The following GLIS3 variants were observed in gnomAD, a reference collection of about 807,000 sequenced individuals.
GLIS3 encodes the protein zinc finger protein GLIS3.
GLIS3 carries 53 observed loss-of-function variants against 78.6 expected under a neutral mutation model. The ratio of observed to expected loss-of-function variants is 0.67; its 90% CI spans 0.54 to 0.85. The LOEUF (loss-of-function observed/expected upper bound fraction) is 0.85, where lower values mean the gene tolerates loss of function less well. GLIS3 is among the 40% of genes least tolerant of loss of function. The probability of loss-of-function intolerance (pLI) is 0.00; values close to 1 mark genes in which losing one functional copy is unlikely to be tolerated. For synonymous variants in GLIS3, 684 were observed against 509.9 expected, an observed-to-expected ratio of 1.34 and a Z score of -4.60; for missense variants, 1,703 against 1,231.1, an observed-to-expected ratio of 1.38 and a Z score of -5.74.
chr9:4,356,546 G>A, the GLIS3 span, among the ~76,000 whole-genome samples: 1 of 152,212 alleles, frequency 6.6e-6, no homozygotes, highest in Non-Finnish European at 1.5e-5. Flanking sequence ...GCTTTGCCAA[G>A]TTTCATGATA....
the GLIS3 span, among the ~76,000 whole-genome samples, chr9:4,472,150 C>A: frequency 6.6e-6 from 1 of 152,174 alleles, no homozygotes; most frequent in Non-Finnish European, 1.5e-5. Context: ...TGCTTTTACA[C>A]GGTTGGTGGG....
chr9:4,440,787 T>G, the GLIS3 span, among the ~76,000 whole-genome samples: 1 of 152,234 alleles, frequency 6.6e-6, no homozygotes, highest in Non-Finnish European at 1.5e-5. Context: ...TTCTAATTCA[T>G]GCACACAGGA....
the GLIS3 span, among the ~76,000 whole-genome samples, chr9:4,462,855 G>A: frequency 4.6e-5 from 7 of 152,238 alleles, no homozygotes; most frequent in South Asian, 2.1e-4. Context: ...ATCCCAAATC[G>A]TTTGAAAAGC....
chr9:4,230,678 G>A (rs548936754), intron 2 of GLIS3, among the ~76,000 whole-genome samples: 3 of 152,178 alleles, frequency 2.0e-5, no homozygotes, highest in South Asian at 2.1e-4. Flanking sequence ...TATGGACTGC[G>A]CATGGGGAAC....
intron 9 of GLIS3, among the ~76,000 whole-genome samples, chr9:3,844,763 A>C (rs964216260): frequency 1.3e-5 from 2 of 152,236 alleles, no homozygotes; most frequent in Admixed American, 1.3e-4. Flanking sequence ...CTTGTTATTT[A>C]ATCCCTGTTA....
intron 4 of GLIS3, among the ~76,000 whole-genome samples, chr9:3,957,673 A>G (rs1490274567): frequency 1.3e-5 from 2 of 152,218 alleles, no homozygotes; most frequent in Admixed American, 6.5e-5. Context: ...TCTGGAAAAC[A>G]GACAAAGAAA....
In GLIS3 at chr9:4,266,370, G is replaced by A. The variant is rs143284240; in HGVS notation, c.388+19668C>T. ...AATGGACCCCTCTCAGTCTGACATA[G>A]CTCTAAGAAAATTTTCTGAGACCCT... On this transcript the variant is annotated intron_variant, in intron 2 of 10. Transcript: ENST00000381971. Among the ~76,000 whole-genome samples the A allele has an allele frequency of 7.2e-4, 109 of 152,136 alleles. 1 individual carries two copies. In the East Asian group the frequency reaches 0.019, roughly 27 times the overall value.
chr9:4,157,745 G>A lies in GLIS3; in HGVS notation c.389-31804C>T, dbSNP rs115856493. ...ACGAGTGCTTCCACAAAGCACATATGAGGAGCATGTTATCCAAGATGTCAG... is the reference window on the plus strand; with the variant it reads ...ACGAGTGCTTCCACAAAGCACATATAAGGAGCATGTTATCCAAGATGTCAG... On this transcript the variant is annotated intron_variant, in intron 2 of 10. Transcript: ENST00000381971. Among the ~76,000 whole-genome samples, 812 of 152,248 alleles carry A rather than the reference G, an allele frequency of 5.3e-3. 8 individuals are homozygous for A. The highest frequency in any genetic ancestry group is 0.019 in the African/African-American group (786 of 41,552).
At chr9:4,040,276 C>T (rs1377043599) in intron 4 of GLIS3, among the ~76,000 whole-genome samples, 2 of 146,580 alleles carry the variant, frequency 1.4e-5, no homozygotes, top group African/African-American at 2.5e-5. Flanking sequence ...AAACATTTTA[C>T]TTCACAAGGT....
chr9:3,998,408 A>C (rs1820890994), intron 4 of GLIS3, among the ~76,000 whole-genome samples: 1 of 152,062 alleles, frequency 6.6e-6, no homozygotes, highest in Non-Finnish European at 1.5e-5. Flanking sequence ...AGTTTTTCTT[A>C]CCTTTATATT....
intron 6 of GLIS3, 150 bp downstream of exon 6, chr9:3,932,210 A>T (rs138854566): frequency 1.1e-4 from 69 of 648,936 alleles, no homozygotes; most frequent in African/African-American, 1.0e-3. Context: ...CCTTGCTATT[A>T]CTTCATGGGA....
At chr9:4,477,528 C>G in the GLIS3 span, among the ~76,000 whole-genome samples, 2 of 152,102 alleles carry the variant, frequency 1.3e-5, no homozygotes, top group Non-Finnish European at 2.9e-5. Flanking sequence ...GATCCTCCCC[C>G]CTCGGTCTCT....
chr9:4,294,918 C>G (rs1816348692), intron 1 of GLIS3, among the ~76,000 whole-genome samples: 2 of 152,186 alleles, frequency 1.3e-5, no homozygotes, highest in South Asian at 2.1e-4. Context: ...TAACCCACAT[C>G]TATAATTTAC....
intron 4 of GLIS3, among the ~76,000 whole-genome samples, chr9:4,114,569 G>C (rs1166010345): frequency 6.6e-6 from 1 of 152,176 alleles, no homozygotes; most frequent in Admixed American, 6.5e-5. Flanking sequence ...TCTAAGCTCA[G>C]AAGGTCAAAA....
chr9:4,471,865 A>C, the GLIS3 span, among the ~76,000 whole-genome samples: 25,526 of 152,234 alleles, frequency 0.17, 2,554 homozygotes, highest in Non-Finnish European at 0.22. Context: ...CGTCTGACAG[A>C]GGGCTAATAT....
chr9:4,173,458 T>G (rs936603922), intron 2 of GLIS3, among the ~76,000 whole-genome samples: 3 of 152,064 alleles, frequency 2.0e-5, no homozygotes. Flanking sequence ...CTTGGAACAA[T>G]GTGGGGCATA....
the GLIS3 span, among the ~76,000 whole-genome samples, chr9:4,387,288 T>C: frequency 6.6e-6 from 1 of 151,770 alleles, no homozygotes; most frequent in Non-Finnish European, 1.5e-5. Flanking sequence ...AACAATGGCC[T>C]CCCAGAATTT....
intron 4 of GLIS3, among the ~76,000 whole-genome samples, chr9:4,103,918 G>C (rs185731075): frequency 5.3e-4 from 80 of 152,192 alleles, no homozygotes; most frequent in African/African-American, 1.9e-3. Flanking sequence ...ATCCAAGGTG[G>C]AGTAAGGGTA....
At chr9:4,106,247 T>C (rs187824765) in intron 4 of GLIS3, among the ~76,000 whole-genome samples, 1 of 152,174 alleles carries the variant, frequency 6.6e-6, no homozygotes, top group South Asian at 2.1e-4. Flanking sequence ...AGAGAACAGG[T>C]AGAGTTTTCA....
Sources: gnomAD v4.1 joint callset for allele counts (sites outside exome capture counted in the v4.1 genomes callset) on GRCh38, gnomAD v4.1.1 for gene constraint, MANE v1.5 for transcripts, NCBI Gene and HGNC (gene_info 2026-07-23, HGNC 2026-07-21) for gene names.